Variants in CSMD1 observed in about 807,000 individuals in gnomAD.
The protein encoded by CSMD1 is CUB and Sushi multiple domains 1.
Under a neutral mutation model 417.5 loss-of-function variants are expected in CSMD1, and 213 were observed. The observed-to-expected ratio is 0.51, with a 90% CI of 0.46 to 0.57. The LOEUF (loss-of-function observed/expected upper bound fraction) is 0.57. CSMD1 is among the 20% of genes least tolerant of loss of function. The pLI is 0.00. For synonymous variants in CSMD1, 2,862 were observed against 1,736.8 expected, an observed-to-expected ratio of 1.65 and a Z score of -16.11; for missense variants, 6,923 against 4,529.7, an observed-to-expected ratio of 1.53 and a Z score of -15.17.
At chr8:3,778,314 T>A (rs892266055) in intron 5 of CSMD1, among the ~76,000 whole-genome samples, 4 of 152,236 alleles carry the variant, frequency 2.6e-5, no homozygotes, top group African/African-American at 9.6e-5. Context: ...TTTCTCCTGT[T>A]ACATTTTCCC....
At chr8:3,558,919 A>C (rs1408048279) in intron 10 of CSMD1, among the ~76,000 whole-genome samples, 1 of 152,196 alleles carries the variant, frequency 6.6e-6, no homozygotes, top group Non-Finnish European at 1.5e-5. Flanking sequence ...GTCCTGGGGC[A>C]GCACCACGAT....
At chr8:4,152,481 G>C (rs1326003451) in intron 3 of CSMD1, among the ~76,000 whole-genome samples, 1 of 150,622 alleles carries the variant, frequency 6.6e-6, no homozygotes, top group Non-Finnish European at 1.5e-5. Context: ...TTGGGCCAAG[G>C]AGTATGGAAA....
At chr8:4,515,745 C>G (rs1042430015) in intron 2 of CSMD1, among the ~76,000 whole-genome samples, 1 of 152,118 alleles carries the variant, frequency 6.6e-6, no homozygotes, top group Non-Finnish European at 1.5e-5. Context: ...CCAGGGTAGT[C>G]TGGACGTGCT....
chr8:4,424,530 AAAAT>A (rs746207370), intron 2 of CSMD1, among the ~76,000 whole-genome samples: 49 of 152,220 alleles, frequency 3.2e-4, no homozygotes, highest in Non-Finnish European at 6.9e-4. Flanking sequence ...AGCTGAAATA[AAAAT>A]AAATAATGAC....
chr8:4,287,666 T>TATC (rs1797136459), intron 3 of CSMD1, among the ~76,000 whole-genome samples: 1 of 149,458 alleles, frequency 6.7e-6, no homozygotes, highest in African/African-American at 2.4e-5. Flanking sequence ...GTATTATTAT[T>TATC]ATTATTATTA....
chr8:4,038,634 T>A (rs999608935), intron 3 of CSMD1, among the ~76,000 whole-genome samples: 1 of 152,226 alleles, frequency 6.6e-6, no homozygotes, highest in Non-Finnish European at 1.5e-5. Flanking sequence ...TGAGTTGACA[T>A]AAACTCTACT....
At chr8:3,292,559 T>C (rs991083623) in intron 25 of CSMD1, among the ~76,000 whole-genome samples, 1 of 152,220 alleles carries the variant, frequency 6.6e-6, no homozygotes, top group African/African-American at 2.4e-5. Flanking sequence ...TCTTGTTGAA[T>C]TGATCCCTTT....
chr8:4,648,756 C>A (rs76070001), intron 1 of CSMD1, among the ~76,000 whole-genome samples: 4 of 152,146 alleles, frequency 2.6e-5, no homozygotes, highest in Non-Finnish European at 5.9e-5. Flanking sequence ...GGGATGAGGG[C>A]TACTCCATTA....
chr8:3,102,016 G>A (rs1815792183), intron 46 of CSMD1, among the ~76,000 whole-genome samples: 1 of 151,954 alleles, frequency 6.6e-6, no homozygotes, highest in African/African-American at 2.4e-5. Context: ...TGGCCAGGCT[G>A]GTGTCGAACT....
chr8:3,915,698 T>C (rs78439937), intron 5 of CSMD1, among the ~76,000 whole-genome samples: 3,593 of 151,256 alleles, frequency 0.024, 162 homozygotes, highest in African/African-American at 0.083. Context: ...TCTATCTCTG[T>C]TATAATTTAT....
chr8:3,208,131 A>C (rs1399138727), intron 30 of CSMD1, among the ~76,000 whole-genome samples: 2 of 152,238 alleles, frequency 1.3e-5, no homozygotes, highest in African/African-American at 2.4e-5. Flanking sequence ...AGTCACATAC[A>C]ATTCAAACAT....
intron 10 of CSMD1, among the ~76,000 whole-genome samples, chr8:3,520,869 T>C (rs1266663302): frequency 1.3e-5 from 2 of 152,062 alleles, no homozygotes; most frequent in Non-Finnish European, 2.9e-5. Context: ...CACTTAGGCT[T>C]TGTCACCCTT....
intron 3 of CSMD1, among the ~76,000 whole-genome samples, chr8:4,408,614 A>G (rs1179435848): frequency 2.0e-5 from 3 of 152,216 alleles, no homozygotes; most frequent in Non-Finnish European, 4.4e-5. Flanking sequence ...ATGTCTGATA[A>G]TGGAAAATGT....
chr8:3,637,946 T>C (rs1797128659), intron 7 of CSMD1, among the ~76,000 whole-genome samples: 1 of 152,176 alleles, frequency 6.6e-6, no homozygotes, highest in South Asian at 2.1e-4. Flanking sequence ...TGACTTTGGT[T>C]CTCCTTCACC....
intron 3 of CSMD1, among the ~76,000 whole-genome samples, chr8:4,394,333 G>A (rs1236912766): frequency 6.6e-6 from 1 of 152,202 alleles, no homozygotes; most frequent in Non-Finnish European, 1.5e-5. Context: ...AATGGAGAAT[G>A]TAGTTATTCT....
At chr8:4,013,522 G>C (rs983678401) in intron 4 of CSMD1, among the ~76,000 whole-genome samples, 2 of 152,110 alleles carry the variant, frequency 1.3e-5, no homozygotes, top group Admixed American at 6.5e-5. Flanking sequence ...CAGGCAGATG[G>C]TCACCATAGC....
At chr8:4,045,532 G>C (rs528054454) in intron 3 of CSMD1, among the ~76,000 whole-genome samples, 8 of 152,148 alleles carry the variant, frequency 5.3e-5, no homozygotes, top group Non-Finnish European at 1.2e-4. Context: ...GGGCCCTGTG[G>C]GCAGCAGATG....
At chr8:4,798,716 A>G (rs1191320540) in intron 1 of CSMD1, among the ~76,000 whole-genome samples, 1 of 152,244 alleles carries the variant, frequency 6.6e-6, no homozygotes, top group Non-Finnish European at 1.5e-5. Flanking sequence ...TTGTTAAAAA[A>G]AAGTAGAAAC....
At chr8:4,901,548 C>A (rs1453550771) in intron 1 of CSMD1, among the ~76,000 whole-genome samples, 4 of 151,670 alleles carry the variant, frequency 2.6e-5, no homozygotes, top group East Asian at 4.0e-4. Context: ...GATCTCCCCA[C>A]CAAAAAAGTG....
Sources: gnomAD v4.1 joint callset for allele counts (sites outside exome capture counted in the v4.1 genomes callset) on GRCh38, gnomAD v4.1.1 for gene constraint, MANE v1.5 for transcripts, NCBI Gene and HGNC (gene_info 2026-07-23, HGNC 2026-07-21) for gene names.